The following DGKH variants were observed in gnomAD, a reference collection of about 807,000 sequenced individuals.
DGKH encodes DAG kinase eta.
Under a neutral mutation model 159.3 loss-of-function variants are expected in DGKH, and 90 were observed. The observed-to-expected ratio is 0.57, with a 90% confidence interval of 0.48 to 0.67. The LOEUF (loss-of-function observed/expected upper bound fraction) is 0.67. Among genes scored for constraint, DGKH ranks in the 30% least tolerant of loss-of-function variants. The pLI, the probability that DGKH is intolerant of heterozygous loss-of-function variation, is 0.00. For missense variants in DGKH, 1,181 were observed against 1,506.1 expected, an observed-to-expected ratio of 0.78 and a Z score of 3.57; for synonymous variants, 536 against 553.8, an observed-to-expected ratio of 0.97 and a Z score of 0.45.
rs980874094 is a variant in DGKH at position 42,236,986 on chromosome 13, T to G, written c.*7798T>G. The G allele has an allele frequency of 1.3e-5, 2 of 152,218 alleles. No individual in the cohort carries two copies. Among genetic ancestry groups the G allele is most frequent in the East Asian group, 3.8e-4 (2 of 5,204 alleles). The allele number at this position is 152,218 out of a possible 1,614,324, so 9.4% of individuals were successfully genotyped here. A position where few individuals can be genotyped will look rare whatever the true frequency, so the allele number is the denominator to read the frequency against. On this transcript the variant is annotated 3_prime_UTR_variant, in exon 30 of 30. Transcript: ENST00000337343. Reference sequence around the variant, plus strand: ...TTCCAGGGTGGATATTTTTAACATATGTTTGCATTTGGTTCTGGGATAGTA... The same window carrying G: ...TTCCAGGGTGGATATTTTTAACATAGGTTTGCATTTGGTTCTGGGATAGTA...
At chr13:42,243,087 T>G (rs1391967352), downstream of DGKH, among the ~76,000 whole-genome samples, 2 of 152,202 alleles carry the variant, frequency 1.3e-5, no homozygotes, top group Non-Finnish European at 1.5e-5. Flanking sequence ...GACATTGAGA[T>G]GCATAAGGTC....
intron 16 of DGKH, among the ~76,000 whole-genome samples, chr13:42,194,221 C>T (rs534156511): frequency 6.6e-6 from 1 of 152,290 alleles, no homozygotes; most frequent in Admixed American, 6.5e-5. Flanking sequence ...CTCACTGCAA[C>T]CTCAAACTCC....
chr13:42,222,221 A>G (rs990533139), intron 29 of DGKH, among the ~76,000 whole-genome samples: 3 of 152,192 alleles, frequency 2.0e-5, no homozygotes, highest in Non-Finnish European at 4.4e-5. Flanking sequence ...TAAATTTCCA[A>G]TAAGTAGTAA....
intron 5 of DGKH, among the ~76,000 whole-genome samples, chr13:42,156,118 T>A (rs1234326361): frequency 6.6e-6 from 1 of 152,222 alleles, no homozygotes; most frequent in African/African-American, 2.4e-5. Context: ...TTGGCAGAAT[T>A]TCTGATTGTT....
chr13:42,252,699 G>A (rs895613842), intron 30 of DGKH, among the ~76,000 whole-genome samples: 8 of 151,942 alleles, frequency 5.3e-5, no homozygotes, highest in African/African-American at 1.5e-4. Context: ...ATTCCACTGC[G>A]CAGAGACCTA....
intron 29 of DGKH, chr13:42,252,313 T>C (rs1041061511): frequency 2.0e-4 from 31 of 152,342 alleles, no homozygotes; most frequent in Non-Finnish European, 1.5e-4. Flanking sequence ...TAAAAGCATG[T>C]AGAATTGTCT....
At chr13:42,111,899 G>T (rs1291272280) in intron 1 of DGKH, among the ~76,000 whole-genome samples, 5 of 152,178 alleles carry the variant, frequency 3.3e-5, no homozygotes, top group Non-Finnish European at 5.9e-5. Flanking sequence ...AGGAATTGTG[G>T]TGGAAAGCCA....
intron 1 of DGKH, chr13:42,069,224 G>T: frequency 8.5e-7 from 1 of 1,172,288 alleles, no homozygotes; most frequent in South Asian, 1.5e-5. Context: ...TAACTAGTGT[G>T]TTTTCCTTCT....
At position 42,168,431 on chromosome 13, in the gene DGKH, TGC is replaced by T; in HGVS notation, c.1119-8_1119-7del. On this transcript the variant is annotated splice_polypyrimidine_tract_variant and splice_region_variant and intron_variant, in intron 9 of 29. Transcript: ENST00000337343. ...CTTTATACTAAAATAAAATCCTTTT[TGC>T]TTTCAGTTTAAGATTATTTCAGAAG... 6.2e-7 allele frequency: 1 copy of T among 1,609,762 alleles called. No individual in the cohort carries two copies. The highest frequency in any genetic ancestry group is 8.5e-7 in the Non-Finnish European group (1 of 1,177,360).
intron 23 of DGKH, among the ~76,000 whole-genome samples, chr13:42,209,775 T>C (rs571973143): frequency 6.6e-6 from 1 of 152,300 alleles, no homozygotes; most frequent in East Asian, 1.9e-4. Context: ...GTGTGGCACA[T>C]TTGTTACAAC....
rs78390862 is a variant in DGKH, at chr13:42,176,825, A to G, written c.1453-1310A>G. On this transcript the variant is annotated intron_variant, in intron 12 of 29. Transcript: ENST00000337343. ...AATTTTGCGCTGTGTGAAATGGAAT[A>G]TTATTTGAGGCATACATTTGATGTA... is the stretch of plus-strand genomic sequence containing the variant. Among the ~76,000 whole-genome samples the G allele has an allele frequency of 3.6e-3, 541 of 152,296 alleles. 6 individuals are homozygous for G. In the East Asian group the frequency reaches 0.047, roughly 13 times the overall value.
At chr13:42,133,696 T>TAAAAC (rs757092526) in intron 3 of DGKH, among the ~76,000 whole-genome samples, 23 of 152,060 alleles carry the variant, frequency 1.5e-4, no homozygotes, top group Middle Eastern at 3.2e-3. Context: ...TCCCTGTCTC[T>TAAAAC]AAAACAAAAC....
chr13:42,080,958 G>A (rs1954188575), intron 1 of DGKH, among the ~76,000 whole-genome samples: 1 of 152,090 alleles, frequency 6.6e-6, no homozygotes, highest in Admixed American at 6.6e-5. Context: ...AGAGAAGTAA[G>A]TGACCTAGCC....
At chr13:42,068,754 TAAAATGA>T (rs1201308874) in intron 1 of DGKH, among the ~76,000 whole-genome samples, 1 of 152,184 alleles carries the variant, frequency 6.6e-6, no homozygotes, top group Non-Finnish European at 1.5e-5. Flanking sequence ...ACATGTCAGT[TAAAATGA>T]AAACTATCTC....
intron 1 of DGKH, among the ~76,000 whole-genome samples, chr13:42,096,100 T>C (rs2038886): frequency 0.12 from 18,711 of 152,218 alleles, 1,534 homozygotes; most frequent in Admixed American, 0.22. Flanking sequence ...TTTCATTTTA[T>C]TTTAAACTTT....
intron 30 of DGKH, chr13:42,255,924 C>T (rs1419443688): frequency 6.3e-7 from 1 of 1,593,648 alleles, no homozygotes. Flanking sequence ...TTTGTCACTG[C>T]TCCAAATAAA....
rs1263353836 is a variant in DGKH at position 42,237,289 on chromosome 13, T to C, written c.*8101T>C. Reference sequence around the variant, plus strand: ...GTTACAGTGTTAGCGGTTGATGTATTGTGTACTGTTTAAGAACTCATAGGA... The same window carrying C: ...GTTACAGTGTTAGCGGTTGATGTATCGTGTACTGTTTAAGAACTCATAGGA... On this transcript the variant is annotated 3_prime_UTR_variant, in exon 30 of 30. Coordinates refer to ENST00000337343, the MANE Select transcript of DGKH (RefSeq NM_178009.5). 2.0e-5 allele frequency: 3 copies of C among 152,186 alleles called. No homozygotes were observed. The highest frequency in any genetic ancestry group is 2.4e-5 in the African/African-American group (1 of 41,444). The allele number at this position is 152,186 out of a possible 1,614,324, so 9.4% of individuals were successfully genotyped here.
chr13:42,208,976 C>A lies in DGKH; in HGVS notation c.2619C>A (p.Ser873=), dbSNP rs778563469. ...TCTTTCAGATATTTGCTGCACCATC[C>A]TTTGATGACAAGATCCTGGAAGTTG... is the stretch of plus-strand genomic sequence containing the variant. ...TKEDDIFAAP[S]FDDKILEVVA... The change falls in exon 22 of 30, where the codon TCC becomes TCA. Residue 873 remains serine, a synonymous_variant. Coordinates refer to ENST00000337343, the MANE Select transcript of DGKH (RefSeq NM_178009.5). 1 of 1,611,292 alleles carries A rather than the reference C, an allele frequency of 6.2e-7. No homozygotes were observed. The highest frequency in any genetic ancestry group is 1.7e-5 in the Admixed American group (1 of 59,592).
In DGKH at chr13:42,160,141, G is replaced by C; in HGVS notation, c.855+5G>C. 1 of 1,614,210 alleles carries C rather than the reference G, an allele frequency of 6.2e-7. No individual in the cohort carries two copies. The highest frequency in any genetic ancestry group is 8.5e-7 in the Non-Finnish European group (1 of 1,180,046). ...TGCCTTTGGTGTAAGACAATGGTGA[G>C]GGTTTTGGAATCAGTTCATCCTTTT... On this transcript the variant is annotated splice_donor_5th_base_variant and intron_variant, in intron 7 of 29. Coordinates refer to ENST00000337343, the MANE Select transcript of DGKH (RefSeq NM_178009.5).
Sources: allele counts gnomAD v4.1 joint callset (sites outside exome capture counted in the v4.1 genomes callset), GRCh38; gene constraint gnomAD v4.1.1; transcripts MANE v1.5; gene names NCBI Gene and HGNC (gene_info 2026-07-23, HGNC 2026-07-21).